The following IL1RL2 variants were observed in gnomAD, a reference collection of about 807,000 sequenced individuals.
IL1RL2 encodes the protein interleukin-1 receptor-like 2.
IL1RL2 carries 68 observed loss-of-function variants against 66.8 expected under a neutral mutation model. That is an observed-to-expected ratio of 1.02 (90% CI 0.84 to 1.25). The LOEUF is 1.25. IL1RL2 is among the 50% of genes most tolerant of loss of function. The pLI, the probability that IL1RL2 is intolerant of heterozygous loss-of-function variation, is 0.00. For missense variants in IL1RL2, 729 were observed against 709.3 expected (o/e 1.03, Z -0.32); for synonymous variants, 305 against 264.6 (o/e 1.15, Z -1.48).
rs141625248 is a variant in IL1RL2 at position 102,215,847 on chromosome 2, T to C, written c.725-3106T>C. Among the ~76,000 whole-genome samples the C allele has an allele frequency of 1.9e-4, 29 of 152,312 alleles. 1 individual carries two copies. The highest frequency in any genetic ancestry group is 6.5e-4 in the African/African-American group (27 of 41,570). ...GCCAACATACCTTATCCAACTGACA[T>C]GCTAGGATGCATCTACAGAAAAAGT... On this transcript the variant is annotated intron_variant, in intron 6 of 11. Transcript: ENST00000264257.
At chr2:102,212,316 A>G in intron 6 of IL1RL2, 142 bp downstream of exon 6, 1 of 563,054 alleles carries the variant, frequency 1.8e-6, no homozygotes, top group Non-Finnish European at 3.1e-6. Context: ...ACGTGAGCTC[A>G]TGGGGAGAGG....
chr2:102,219,184 C>A, intron 7 of IL1RL2, 102 bp downstream of exon 7: 1 of 1,301,802 alleles, frequency 7.7e-7, no homozygotes. Flanking sequence ...TTTTGCCTCT[C>A]AATGATTCAT....
intron 3 of IL1RL2, among the ~76,000 whole-genome samples, chr2:102,190,838 T>C (rs1687164572): frequency 1.3e-5 from 2 of 152,184 alleles, no homozygotes; most frequent in South Asian, 4.1e-4. Flanking sequence ...AGCTGTGAAA[T>C]GAGGAAAAGT....
chr2:102,188,826 A>T (rs911892040), intron 2 of IL1RL2, among the ~76,000 whole-genome samples: 4 of 151,954 alleles, frequency 2.6e-5, no homozygotes, highest in Admixed American at 2.6e-4. Flanking sequence ...GAAAGAGGGA[A>T]ATCACTCCCG....
intron 4 of IL1RL2, among the ~76,000 whole-genome samples, chr2:102,196,172 A>G (rs1216508445): frequency 6.6e-6 from 1 of 152,172 alleles, no homozygotes; most frequent in East Asian, 1.9e-4. Flanking sequence ...CTAAGTGAGC[A>G]TCGGATTTGA....
At chr2:102,217,714 A>G (rs1371938033) in intron 6 of IL1RL2, among the ~76,000 whole-genome samples, 1 of 152,184 alleles carries the variant, frequency 6.6e-6, no homozygotes, top group African/African-American at 2.4e-5. Flanking sequence ...GGTGATAGGA[A>G]AATTGGATAT....
chr2:102,231,770 G>A (rs1037611469), intron 9 of IL1RL2, among the ~76,000 whole-genome samples: 1 of 152,190 alleles, frequency 6.6e-6, no homozygotes, highest in Admixed American at 6.5e-5. Context: ...ACGACGACAT[G>A]CGCCATTGGG....
In IL1RL2 at chr2:102,234,928, G is replaced by A; in HGVS notation, c.1329G>A (p.Lys443=). The change falls in exon 11 of 12, where the codon AAG becomes AAA. Residue 443 remains lysine (K), a synonymous_variant. Coordinates refer to ENST00000264257, the MANE Select transcript of IL1RL2 (RefSeq NM_003854.4). ...CCAATGTCATCGATGAAAACGTTAA[G>A]CTGTGCAGGAGGCTGATTGTCATTG... ...AVANVIDENV[K]LCRRLIVIVV... is the part of the protein sequence containing the mutation. 1 of 1,614,078 alleles carries A rather than the reference G, an allele frequency of 6.2e-7. No individual in the cohort carries two copies.
rs1480660519 is a variant in IL1RL2 at position 102,195,613 on chromosome 2, C to CTTTCTTTCTT, written c.489+3495_489+3504dup. 4.4e-3 allele frequency among the ~76,000 whole-genome samples: 82 copies of CTTTCTTTCTT among 18,596 alleles called. 1 individual carries two copies. Among genetic ancestry groups the CTTTCTTTCTT allele is most frequent in the African/African-American group, 0.01 (78 of 7,474 alleles). The allele number at this position is 18,596 out of a possible 152,430, so 12.2% of individuals were successfully genotyped here. A position where few individuals can be genotyped will look rare whatever the true frequency, so the allele number is the denominator to read the frequency against. On this transcript the variant is annotated intron_variant, in intron 4 of 11. Coordinates refer to ENST00000264257, the MANE Select transcript of IL1RL2 (RefSeq NM_003854.4). Reference sequence around the variant, plus strand: ...TCTTTCTTTCTTTCTTTCTTTCTTTCTTTCTTTCTTTCTTTCTCTCTCTCT... The same window carrying CTTTCTTTCTT: ...TCTTTCTTTCTTTCTTTCTTTCTTTCTTTCTTTCTTTTTCTTTCTTTCTTTCTCTCTCTCT...
intron 9 of IL1RL2, 133 bp from the exon 10 acceptor site, chr2:102,232,830 T>G: frequency 1.1e-6 from 1 of 929,280 alleles, no homozygotes; most frequent in East Asian, 2.6e-5. Flanking sequence ...TGGCACCAAG[T>G]CAGCCAACTG....
chr2:102,235,195 G>A lies in IL1RL2; in HGVS notation c.1596G>A (p.Val532=), dbSNP rs1559566833. Residue 532 remains valine, a synonymous_variant, in exon 11 of 12, where the codon GTG becomes GTA. Coordinates refer to ENST00000264257, the MANE Select transcript of IL1RL2 (RefSeq NM_003854.4). ...QCMKTKFWKT[V]RYHMPPRRCR... ...TGAAGACCAAGTTTTGGAAGACAGT[G>A]AGATACCACATGCCGCCCAGAAGGT... 1 of 1,614,110 alleles carries A rather than the reference G, an allele frequency of 6.2e-7. No individual in the cohort carries two copies. The highest frequency in any genetic ancestry group is 1.3e-5 in the African/African-American group (1 of 74,934).
At chr2:102,214,962 C>T (rs574799661) in intron 6 of IL1RL2, among the ~76,000 whole-genome samples, 1 of 146,950 alleles carries the variant, frequency 6.8e-6, no homozygotes, top group South Asian at 2.1e-4. Context: ...GCACAGAAAC[C>T]CAGGATGGCA....
intron 9 of IL1RL2, among the ~76,000 whole-genome samples, chr2:102,231,849 A>T (rs1691167206): frequency 6.6e-6 from 1 of 152,156 alleles, no homozygotes; most frequent in East Asian, 1.9e-4. Context: ...TGTTTCACAG[A>T]TGTGAGTCTG....
chr2:102,205,411 A>G (rs946225908), intron 5 of IL1RL2, among the ~76,000 whole-genome samples: 2 of 151,894 alleles, frequency 1.3e-5, no homozygotes, highest in Non-Finnish European at 2.9e-5. Context: ...TGATTGAAGT[A>G]CTCCCTTTAA....
At chr2:102,214,914 G>A (rs943348641) in intron 6 of IL1RL2, among the ~76,000 whole-genome samples, 6 of 151,096 alleles carry the variant, frequency 4.0e-5, no homozygotes, top group African/African-American at 9.8e-5. Context: ...GAAGGAGGGC[G>A]CTGGAGTGCA....
At chr2:102,222,526 C>T (rs865946654) in intron 8 of IL1RL2, among the ~76,000 whole-genome samples, 2 of 152,188 alleles carry the variant, frequency 1.3e-5, no homozygotes, top group Non-Finnish European at 2.9e-5. Flanking sequence ...CATTCAGGGC[C>T]TCCTGATCTA....
intron 5 of IL1RL2, among the ~76,000 whole-genome samples, chr2:102,205,203 T>C (rs1478743665): frequency 2.0e-5 from 3 of 152,160 alleles, no homozygotes; most frequent in African/African-American, 7.2e-5. Context: ...TATTTATATC[T>C]TGTACTCACT....
intron 8 of IL1RL2, 50 bp from the exon 9 acceptor site, chr2:102,225,848 T>C (rs976634210): frequency 4.3e-6 from 6 of 1,382,516 alleles, no homozygotes; most frequent in Middle Eastern, 2.5e-4. Context: ...GGACTCTTTG[T>C]TTCATTATTA....
chr2:102,220,858 T>A (rs1690061513), intron 8 of IL1RL2, among the ~76,000 whole-genome samples: 3 of 152,246 alleles, frequency 2.0e-5, no homozygotes, highest in Admixed American at 2.0e-4. Context: ...GTGGTTGCTG[T>A]ATGGAGTTAG....
Sources: gnomAD v4.1 joint callset for allele counts (sites outside exome capture counted in the v4.1 genomes callset) on GRCh38, gnomAD v4.1.1 for gene constraint, MANE v1.5 for transcripts, NCBI Gene and HGNC (gene_info 2026-07-23, HGNC 2026-07-21) for gene names.